FRYL: variants seen among roughly 807,000 people sequenced by gnomAD.
FRYL encodes protein furry homolog-like.
FRYL carries 150 observed loss-of-function variants against 351.2 expected under a neutral mutation model. The observed-to-expected ratio is 0.43, with a 90% CI of 0.37 to 0.49. The LOEUF is 0.49. Among genes scored for constraint, FRYL ranks in the 20% least tolerant of loss-of-function variants. FRYL has a pLI of 0.00. For synonymous variants in FRYL, 1,153 were observed against 1,257.1 expected (o/e 0.92, Z 1.75); for missense variants, 3,036 against 3,619.3 (o/e 0.84, Z 4.13).
rs1305520982 is a variant in FRYL at position 48,531,269 on chromosome 4, T to C, written c.6790A>G (p.Lys2264Glu). The C allele has an allele frequency of 1.2e-6, 2 of 1,613,350 alleles. No individual in the cohort carries two copies. Among genetic ancestry groups the C allele is most frequent in the African/African-American group, 2.7e-5 (2 of 75,014 alleles). The change falls in exon 50 of 64, where the codon AAG becomes GAG. Residue 2264 changes from lysine to glutamate, a missense_variant. Around this residue, in one of 7 missense-constraint regions of FRYL, gnomAD observed 1,987 missense variants for 2,311.7 expected, o/e 0.86. Transcript: ENST00000358350. Reference protein sequence around the residue: ...ASLVVPSDIPKTYGGDTGSPE... With the variant: ...ASLVVPSDIPETYGGDTGSPE... The stretch of plus-strand genomic sequence containing the variant: ...GAACCTGTATCTCCTCCATAGGTCT[T>C]GGGGATATCACTGGGTACGACAAGA...
At position 48,499,503 on chromosome 4, in the gene FRYL, T is replaced by C. The variant is rs376603765; in HGVS notation, c.8961A>G (p.Arg2987=). 1.1e-5 allele frequency: 17 copies of C among 1,613,952 alleles called. No individual in the cohort carries two copies. The African/African-American group carries it at 2.1e-4, about 20-fold the overall frequency. The change falls in exon 64 of 64, where the codon AGA becomes AGG. Residue 2987 remains arginine, a synonymous_variant. Transcript: ENST00000358350. ...YKLMELNLEI[R]ESLRMVQSYQ... ...ATGATTGCACCATGCGTAGAGACTC[T>C]CTTATTTCCAGATTAAGTTCCATCA... is the stretch of plus-strand genomic sequence containing the variant.
At chr4:48,676,994 G>A (rs1334707496) in intron 3 of FRYL, among the ~76,000 whole-genome samples, 1 of 152,224 alleles carries the variant, frequency 6.6e-6, no homozygotes, top group Non-Finnish European at 1.5e-5. Context: ...AACTTAGCCT[G>A]TTAGGAGCAG....
chr4:48,586,148 G>T (rs1377528758), intron 19 of FRYL, among the ~76,000 whole-genome samples: 1 of 152,070 alleles, frequency 6.6e-6, no homozygotes, highest in Non-Finnish European at 1.5e-5. Context: ...ACAGAGCTAT[G>T]ACATGCCTAA....
At chr4:48,694,644 G>T (rs1160684371) in intron 2 of FRYL, among the ~76,000 whole-genome samples, 4 of 152,078 alleles carry the variant, frequency 2.6e-5, no homozygotes, top group Admixed American at 6.6e-5. Flanking sequence ...AATATAATAT[G>T]ATATATTGGA....
intron 1 of FRYL, among the ~76,000 whole-genome samples, chr4:48,751,123 A>G (rs181931957): frequency 7.2e-5 from 11 of 152,352 alleles, no homozygotes; most frequent in African/African-American, 2.6e-4. Context: ...CAAGGGTATT[A>G]GATGGACAAT....
intron 3 of FRYL, among the ~76,000 whole-genome samples, chr4:48,673,676 T>C (rs1560835797): frequency 6.6e-6 from 1 of 152,232 alleles, no homozygotes; most frequent in Admixed American, 6.5e-5. Context: ...CATGGCTATA[T>C]CACTTAGTAA....
At chr4:48,727,962 C>T (rs1770270072) in intron 1 of FRYL, among the ~76,000 whole-genome samples, 2 of 152,132 alleles carry the variant, frequency 1.3e-5, no homozygotes, top group African/African-American at 4.8e-5. Flanking sequence ...AATCCAGAGG[C>T]ACAGACTCAC....
rs1560307551 is a variant in FRYL at position 48,716,207 on chromosome 4, A to G, written c.-383-5509T>C. ...ACCTAGGCATTACCATTCAGGACAT[A>G]GGCATGGGCAAGGACTTCATGCCTA... On this transcript the variant is annotated intron_variant, in intron 1 of 63. Coordinates refer to ENST00000358350, the MANE Select transcript of FRYL (RefSeq NM_015030.2). Among the ~76,000 whole-genome samples, 6 of 151,876 alleles carry G rather than the reference A, an allele frequency of 4.0e-5. 1 individual carries two copies. The highest frequency in any genetic ancestry group is 1.4e-4 in the African/African-American group (6 of 41,490).
At chr4:48,580,048 G>A (rs1163300019) in intron 22 of FRYL, among the ~76,000 whole-genome samples, 1 of 107,644 alleles carries the variant, frequency 9.3e-6, no homozygotes, top group Non-Finnish European at 1.9e-5. Context: ...AAAAAGTTTA[G>A]CATCATGGTA....
Position 48,564,040 on chromosome 4 carries a change from G to A in FRYL, c.3504C>T (p.Asn1168=). 6.2e-7 allele frequency: 1 copy of A among 1,614,184 alleles called. No individual in the cohort carries two copies. Among genetic ancestry groups the A allele is most frequent in the Non-Finnish European group, 8.5e-7 (1 of 1,180,024 alleles). Residue 1168 remains asparagine (N), a synonymous_variant, in exon 31 of 64, where the codon AAC becomes AAT. Transcript: ENST00000358350. ...AGCGGTCCACAGCCCAGTACATCAGGTTGCTCTGATCAGGGTTCAGCTCCA... is the reference window on the plus strand; with the variant it reads ...AGCGGTCCACAGCCCAGTACATCAGATTGCTCTGATCAGGGTTCAGCTCCA... ...LLLELNPDQS[N]LMYWAVDRCY...
At chr4:48,632,261 TGGCTGAG>T (rs1466746870) in intron 4 of FRYL, among the ~76,000 whole-genome samples, 4 of 149,302 alleles carry the variant, frequency 2.7e-5, no homozygotes, top group African/African-American at 9.8e-5. Context: ...GACTTGAAAA[TGGCTGAG>T]GCCAGGTGAT....
At chr4:48,656,053 A>G (rs1425252032) in intron 3 of FRYL, among the ~76,000 whole-genome samples, 1 of 137,680 alleles carries the variant, frequency 7.3e-6, no homozygotes, top group Non-Finnish European at 1.5e-5. Context: ...TGTAATGTAC[A>G]TATAATTATA....
At chr4:48,620,567 C>T in intron 6 of FRYL, 72 bp downstream of exon 6, 1 of 1,445,134 alleles carries the variant, frequency 6.9e-7, no homozygotes, top group Non-Finnish European at 9.5e-7. Flanking sequence ...TAACAACCTT[C>T]AGTTGATAAT....
intron 7 of FRYL, among the ~76,000 whole-genome samples, chr4:48,610,748 GTA>G (rs1396700089): frequency 7.3e-6 from 1 of 137,790 alleles, no homozygotes; most frequent in Admixed American, 7.4e-5. Context: ...ATTATATATT[GTA>G]TATATACATA....
At chr4:48,500,692 G>T (rs1188949726) in intron 62 of FRYL, among the ~76,000 whole-genome samples, 2 of 152,136 alleles carry the variant, frequency 1.3e-5, no homozygotes, top group Non-Finnish European at 2.9e-5. Flanking sequence ...GATGACAAGG[G>T]GGGGAAAAGA....
chr4:48,651,289 C>CTGTGTG lies in FRYL; in HGVS notation c.-80-16805_-80-16800dup, dbSNP rs59845967. On this transcript the variant is annotated intron_variant, in intron 3 of 63. Transcript: ENST00000358350. The stretch of plus-strand genomic sequence containing the variant: ...GTAGAAACAGGATCTCAGGATCTCA[C>CTGTGTG]TGTGTGTGTGTGTGTGTGTGTGTGT... Among the ~76,000 whole-genome samples the CTGTGTG allele has an allele frequency of 4.0e-3, 249 of 62,406 alleles. 15 individuals carry two copies. Among genetic ancestry groups the CTGTGTG allele is most frequent in the South Asian group, 0.01 (13 of 1,244 alleles). 40.9% of individuals were successfully genotyped at this position (62,406 alleles called of 152,430 possible).
chr4:48,612,787 CACCCTG>C, intron 7 of FRYL, among the ~76,000 whole-genome samples: 1 of 148,666 alleles, frequency 6.7e-6, no homozygotes, highest in Admixed American at 6.7e-5. Flanking sequence ...GACAGGGTTT[CACCCTG>C]TTAACCAAGA....
At chr4:48,656,955 T>G (rs1356449439) in intron 3 of FRYL, among the ~76,000 whole-genome samples, 1 of 152,142 alleles carries the variant, frequency 6.6e-6, no homozygotes, top group African/African-American at 2.4e-5. Context: ...ATGTAAAGAC[T>G]AAAATAGTGT....
intron 1 of FRYL, among the ~76,000 whole-genome samples, chr4:48,729,462 TGACTGGAA>T (rs1770483039): frequency 1.3e-5 from 2 of 152,216 alleles, no homozygotes; most frequent in African/African-American, 4.8e-5. Flanking sequence ...CTGTGTAGCC[TGACTGGAA>T]GACACCTCTC....
Sources: allele counts gnomAD v4.1 joint callset (sites outside exome capture counted in the v4.1 genomes callset), GRCh38; gene constraint gnomAD v4.1.1; regional missense constraint gnomAD v4.1.1; transcripts MANE v1.5; gene names NCBI Gene and HGNC (gene_info 2026-07-23, HGNC 2026-07-21).